MGST1: variants seen among roughly 807,000 people sequenced by gnomAD.
MGST1 encodes glutathione S-transferase 12.
A neutral mutation model predicts 8.9 loss-of-function variants in MGST1; 5 were observed. The observed-to-expected ratio is 0.56, with a 90% CI of 0.29 to 1.19. The LOEUF (loss-of-function observed/expected upper bound fraction) is 1.19, where lower values mean the gene tolerates loss of function less well. MGST1 is among the 50% of genes most tolerant of loss of function. The probability of loss-of-function intolerance (pLI) is 0.08; values close to 1 mark genes in which losing one functional copy is unlikely to be tolerated. For synonymous variants in MGST1, 54 were observed against 67.8 expected (o/e 0.80, Z 1.00); for missense variants, 182 against 187.4 (o/e 0.97, Z 0.17).
intron 1 of MGST1, among the ~76,000 whole-genome samples, chr12:16,420,174 A>G (rs1940822410): frequency 6.6e-6 from 1 of 152,152 alleles, no homozygotes; most frequent in Non-Finnish European, 1.5e-5. Flanking sequence ...GTGACTTAAA[A>G]ATATATATTT....
Position 16,401,877 on chromosome 12 carries a change from A to C in MGST1, n.778+18273A>C. ...AGTGATGCCAGCTGCTTTCTTCATT[A>C]ATTTGAGCTCCCCATCCTCCCTTAC... On this transcript the variant is annotated intron_variant and non_coding_transcript_variant, in intron 1 of 1. Coordinates refer to the MGST1 transcript ENST00000359720. This position sits in a 1 kb window ranked among gnomAD's most constrained non-coding sequence, Gnocchi z 4.3. The C allele has an allele frequency of 6.2e-7, 1 of 1,603,976 alleles. No individual in the cohort carries two copies. Among genetic ancestry groups the C allele is most frequent in the Non-Finnish European group, 8.5e-7 (1 of 1,170,782 alleles).
At chr12:16,405,324 A>T (rs1327479908) in intron 1 of MGST1, among the ~76,000 whole-genome samples, 2 of 152,134 alleles carry the variant, frequency 1.3e-5, no homozygotes, top group Non-Finnish European at 2.9e-5. Context: ...TAGAAGAAAT[A>T]GATAAATTCC....
intron 4 of MGST1, among the ~76,000 whole-genome samples, chr12:16,485,731 A>T (rs1034470671): frequency 6.6e-6 from 1 of 152,226 alleles, no homozygotes; most frequent in Non-Finnish European, 1.5e-5. Context: ...AAGATAAAAC[A>T]CAAAATGCAT....
In MGST1 at chr12:16,555,840, A is replaced by G. The variant is rs1310986223; in HGVS notation, n.483-33688A>G. Among the ~76,000 whole-genome samples the G allele has an allele frequency of 3.3e-5, 5 of 151,728 alleles. No homozygotes were observed. Among genetic ancestry groups the G allele is most frequent in the Admixed American group, 3.3e-4 (5 of 15,230 alleles). ...CTCCCTGGCTCCCTCATCTTCCCCA[A>G]CCCCGAGCAGACACACTTCCTGTAA... On this transcript the variant is annotated intron_variant and non_coding_transcript_variant, in intron 4 of 4. Coordinates refer to the MGST1 transcript ENST00000538857. This position sits in a 1 kb window ranked among gnomAD's most constrained non-coding sequence, Gnocchi z 5.5.
At position 16,513,369 on chromosome 12, in the gene MGST1, C is replaced by A; in HGVS notation, n.483-76159C>A. The A allele has an allele frequency of 2.8e-6, 1 of 362,750 alleles. No individual in the cohort carries two copies. Among genetic ancestry groups the A allele is most frequent in the Admixed American group, 3.8e-5 (1 of 26,302 alleles). The allele number at this position is 362,750 out of a possible 1,614,324, so 22.5% of individuals were successfully genotyped here. A position where few individuals can be genotyped will look rare whatever the true frequency, so the allele number is the denominator to read the frequency against. On this transcript the variant is annotated intron_variant and non_coding_transcript_variant, in intron 4 of 4. Transcript: ENST00000538857. The surrounding 1 kb of genome is among the most constrained non-coding windows in gnomAD (Gnocchi z 4.2). ...GCCCTCTGCTCCGTCCTGCGTCTGC[C>A]CACTGCCCTCCTACCGTCCACCATG...
intron 4 of MGST1, among the ~76,000 whole-genome samples, chr12:16,533,462 T>C (rs1309507155): frequency 6.6e-6 from 1 of 152,190 alleles, no homozygotes; most frequent in African/African-American, 2.4e-5. Context: ...TGAGTTATAC[T>C]GTAAATTGAG....
chr12:16,429,859 T>A (rs1278855800), intron 1 of MGST1, among the ~76,000 whole-genome samples: 4 of 152,152 alleles, frequency 2.6e-5, no homozygotes, highest in African/African-American at 9.7e-5. Flanking sequence ...TGGCAATTTT[T>A]AAAATAAGGT....
chr12:16,483,107 G>T (rs1459350383), intron 4 of MGST1, among the ~76,000 whole-genome samples: 1 of 152,166 alleles, frequency 6.6e-6, no homozygotes, highest in Non-Finnish European at 1.5e-5. Flanking sequence ...TGCCAGGTTT[G>T]TTTACCATAA....
chr12:16,551,073 T>C, intron 4 of MGST1: 2 of 568,558 alleles, frequency 3.5e-6, no homozygotes. Context: ...TACATACAGA[T>C]GCAGTCCGCC....
At chr12:16,419,005 C>T (rs988443220) in intron 1 of MGST1, among the ~76,000 whole-genome samples, 2 of 152,088 alleles carry the variant, frequency 1.3e-5, no homozygotes, top group African/African-American at 4.8e-5. Context: ...TGTCCAGGCT[C>T]ATGTGGCCTA....
intron 4 of MGST1, among the ~76,000 whole-genome samples, chr12:16,502,891 T>C (rs1295624585): frequency 6.6e-6 from 1 of 152,202 alleles, no homozygotes; most frequent in Non-Finnish European, 1.5e-5. Context: ...CAGAAGCATG[T>C]CTTGCCACTT....
At chr12:16,487,782 G>A (rs1399011131) in intron 4 of MGST1, among the ~76,000 whole-genome samples, 1 of 152,096 alleles carries the variant, frequency 6.6e-6, no homozygotes, top group East Asian at 1.9e-4. Context: ...TGGTAACTGG[G>A]ACTACAGGTG....
At chr12:16,400,041 T>G in intron 1 of MGST1, 6 of 1,573,450 alleles carry the variant, frequency 3.8e-6, no homozygotes, top group Non-Finnish European at 5.2e-6. Flanking sequence ...GCACTTCAAA[T>G]TCCAGTTCCT....
At chr12:16,571,779 G>A (rs548085371) in intron 4 of MGST1, among the ~76,000 whole-genome samples, 85 of 152,126 alleles carry the variant, frequency 5.6e-4, no homozygotes, top group African/African-American at 2.0e-3. Context: ...TAATCAAAGT[G>A]TAACTGGATC....
chr12:16,441,517 G>C (rs762805232), downstream of MGST1, among the ~76,000 whole-genome samples: 1 of 151,790 alleles, frequency 6.6e-6, no homozygotes, highest in Non-Finnish European at 1.5e-5. Flanking sequence ...TGTTGCTAGC[G>C]ATCATTGACT....
chr12:16,428,285 A>G (rs74864172), intron 1 of MGST1, among the ~76,000 whole-genome samples: 3,767 of 151,678 alleles, frequency 0.025, 149 homozygotes, highest in African/African-American at 0.086. Context: ...TCTACTTTTA[A>G]TCTCTTATAA....
At chr12:16,556,764 C>T (rs952546005) in intron 4 of MGST1, among the ~76,000 whole-genome samples, 1 of 152,088 alleles carries the variant, frequency 6.6e-6, no homozygotes, top group Non-Finnish European at 1.5e-5. Context: ...TCCTGGGTAA[C>T]AAAATTTGTC....
At chr12:16,581,915 C>T (rs1302125474) in intron 4 of MGST1, among the ~76,000 whole-genome samples, 1 of 151,688 alleles carries the variant, frequency 6.6e-6, no homozygotes, top group Admixed American at 6.6e-5. Flanking sequence ...CTAAATGTAC[C>T]TATTTCTTGA....
At chr12:16,393,656 A>G (rs919585703) in intron 1 of MGST1, among the ~76,000 whole-genome samples, 11 of 152,208 alleles carry the variant, frequency 7.2e-5, no homozygotes, top group African/African-American at 2.4e-4. Context: ...TGAGGAAAGA[A>G]AGTACACTGT....
Sources: gnomAD v4.1 joint callset for allele counts (sites outside exome capture counted in the v4.1 genomes callset) on GRCh38, gnomAD v4.1.1 for gene constraint, Gnocchi (gnomAD v3.1) non-coding constraint, MANE v1.5 for transcripts, NCBI Gene and HGNC (gene_info 2026-07-23, HGNC 2026-07-21) for gene names.